Variants in LINGO2 observed in about 807,000 individuals in gnomAD.
LINGO2 encodes the protein leucine-rich repeat and immunoglobulin-like domain-containing nogo receptor-interacting protein 2.
LINGO2 carries 14 observed loss-of-function variants against 30.6 expected under a neutral mutation model. The observed-to-expected ratio is 0.46, with a 90% CI of 0.30 to 0.72. The LOEUF is 0.72. Among genes scored for constraint, LINGO2 ranks in the 30% least tolerant of loss-of-function variants. The probability of loss-of-function intolerance (pLI) is 0.07; values close to 1 mark genes in which losing one functional copy is unlikely to be tolerated. For synonymous variants in LINGO2, 317 were observed against 288.5 expected, an observed-to-expected ratio of 1.10 and a Z score of -1.00; for missense variants, 729 against 751.7, an observed-to-expected ratio of 0.97 and a Z score of 0.35.
chr9:28,532,385 T>C (rs1448655777), intron 1 of LINGO2, among the ~76,000 whole-genome samples: 4 of 152,138 alleles, frequency 2.6e-5, no homozygotes, highest in Non-Finnish European at 5.9e-5. Context: ...TTTGTTGTTG[T>C]TAATATTTTT....
At chr9:28,056,115 C>T (rs1036493267) in intron 4 of LINGO2, among the ~76,000 whole-genome samples, 11 of 152,154 alleles carry the variant, frequency 7.2e-5, no homozygotes, top group African/African-American at 1.4e-4. Flanking sequence ...AACCTCTGAG[C>T]GTCTACCGCC....
rs577917182 is a variant in LINGO2, at chr9:28,431,632, G to A, written c.-279+44308C>T. ...AGTCTGGAAAGAATCACTAAAGTTA[G>A]AAACCAAAAGATCAGTTACGGTCAT... On this transcript the variant is annotated intron_variant, in intron 2 of 5. Transcript: ENST00000379992. Among the ~76,000 whole-genome samples, 297 of 152,232 alleles carry A rather than the reference G, an allele frequency of 2.0e-3. 3 individuals are homozygous for A. The highest frequency in any genetic ancestry group is 6.8e-3 in the African/African-American group (283 of 41,550).
In LINGO2 at chr9:28,036,558, T is replaced by C. The variant is rs10968297; in HGVS notation, c.-86-24153A>G. 6.4e-3 allele frequency among the ~76,000 whole-genome samples: 979 copies of C among 152,278 alleles called. 16 individuals are homozygous for C. Among genetic ancestry groups the C allele is most frequent in the Admixed American group, 0.034 (526 of 15,296 alleles). Reference sequence around the variant, plus strand: ...AATGGAGGCAATAATTTTAGGCAAATATGGTTTCCATCAGAAAAGTCCAAA... The same window carrying C: ...AATGGAGGCAATAATTTTAGGCAAACATGGTTTCCATCAGAAAAGTCCAAA... On this transcript the variant is annotated intron_variant, in intron 4 of 5. Transcript: ENST00000379992.
At chr9:29,080,953 G>A in the LINGO2 span, among the ~76,000 whole-genome samples, 2 of 151,866 alleles carry the variant, frequency 1.3e-5, no homozygotes, top group South Asian at 2.1e-4. Flanking sequence ...TTCTGTAGAT[G>A]TCTATTAGGT....
intron 4 of LINGO2, among the ~76,000 whole-genome samples, chr9:28,066,876 T>G (rs538830552): frequency 6.6e-6 from 1 of 152,126 alleles, no homozygotes; most frequent in South Asian, 2.1e-4. Context: ...CTTACTATTC[T>G]TCAGAATAAT....
chr9:28,288,242 A>G (rs1362648481), intron 4 of LINGO2, among the ~76,000 whole-genome samples: 1 of 152,086 alleles, frequency 6.6e-6, no homozygotes, highest in Non-Finnish European at 1.5e-5. Context: ...ATCTCTCCCA[A>G]TATCACAATT....
At chr9:29,083,744 C>T in the LINGO2 span, among the ~76,000 whole-genome samples, 1,002 of 152,070 alleles carry the variant, frequency 6.6e-3, 16 homozygotes, top group African/African-American at 0.023. Context: ...AGAAATTGTG[C>T]TTTGGATTAG....
At chr9:28,169,449 C>T (rs567407858) in intron 4 of LINGO2, among the ~76,000 whole-genome samples, 2 of 152,130 alleles carry the variant, frequency 1.3e-5, no homozygotes, top group East Asian at 1.9e-4. Flanking sequence ...AAAGCAAAAC[C>T]GGAAGAAAAC....
intron 5 of LINGO2, among the ~76,000 whole-genome samples, chr9:27,966,232 G>A (rs1279478936): frequency 6.6e-6 from 1 of 152,052 alleles, no homozygotes; most frequent in Non-Finnish European, 1.5e-5. Flanking sequence ...AGATGTTAAA[G>A]TCTGTTAAGT....
At chr9:29,098,238 A>G in the LINGO2 span, among the ~76,000 whole-genome samples, 1 of 152,214 alleles carries the variant, frequency 6.6e-6, no homozygotes, top group East Asian at 1.9e-4. Flanking sequence ...CTGAGGAGAT[A>G]GCAGCAATAT....
At chr9:29,063,262 G>A in the LINGO2 span, among the ~76,000 whole-genome samples, 1 of 152,124 alleles carries the variant, frequency 6.6e-6, no homozygotes, top group Non-Finnish European at 1.5e-5. Flanking sequence ...GGCAACAGCT[G>A]CAGAAACAAC....
the LINGO2 span, among the ~76,000 whole-genome samples, chr9:28,680,792 C>G: frequency 6.6e-6 from 1 of 151,952 alleles, no homozygotes; most frequent in Non-Finnish European, 1.5e-5. Context: ...CTGTTCAGAT[C>G]CTTTGCCCAT....
chr9:28,269,047 T>A (rs563469757), intron 4 of LINGO2, among the ~76,000 whole-genome samples: 90 of 152,184 alleles, frequency 5.9e-4, no homozygotes, highest in African/African-American at 2.1e-3. Context: ...CCTCTTTTTC[T>A]CTCCTCTTAT....
intron 4 of LINGO2, among the ~76,000 whole-genome samples, chr9:28,016,390 C>G (rs10968285): frequency 0.63 from 95,739 of 151,840 alleles, 31,784 homozygotes; most frequent in Non-Finnish European, 0.73. Context: ...ATATTTTTAT[C>G]CCCTGAAAGT....
At chr9:28,384,827 A>G (rs932286774) in intron 2 of LINGO2, among the ~76,000 whole-genome samples, 2 of 100,392 alleles carry the variant, frequency 2.0e-5, no homozygotes, top group Non-Finnish European at 5.1e-5. Flanking sequence ...TTTGTGTGAT[A>G]AAAAAAAAAA....
the LINGO2 span, among the ~76,000 whole-genome samples, chr9:29,181,222 G>A: frequency 1.4e-3 from 208 of 152,256 alleles, 1 homozygote; most frequent in African/African-American, 4.6e-3. Flanking sequence ...TACAAAAAGC[G>A]TAGTTTCCTT....
At chr9:28,754,337 T>G in the LINGO2 span, among the ~76,000 whole-genome samples, 1 of 152,084 alleles carries the variant, frequency 6.6e-6, no homozygotes, top group South Asian at 2.1e-4. Context: ...TTGTAACGCA[T>G]ATGTGTCTGA....
intron 2 of LINGO2, among the ~76,000 whole-genome samples, chr9:28,472,314 C>T (rs1223817771): frequency 6.8e-6 from 1 of 146,930 alleles, no homozygotes; most frequent in Non-Finnish European, 1.5e-5. Flanking sequence ...AGTGCATTGA[C>T]TTCAAGTTTT....
chr9:29,101,423 C>T, the LINGO2 span, among the ~76,000 whole-genome samples: 1 of 152,152 alleles, frequency 6.6e-6, no homozygotes, highest in Non-Finnish European at 1.5e-5. Flanking sequence ...AATTATTCAA[C>T]AAAATTGTCA....
Sources: gnomAD v4.1 joint callset for allele counts (sites outside exome capture counted in the v4.1 genomes callset) on GRCh38, gnomAD v4.1.1 for gene constraint, MANE v1.5 for transcripts, NCBI Gene and HGNC (gene_info 2026-07-23, HGNC 2026-07-21) for gene names.